CRACD: variants seen among roughly 807,000 people sequenced by gnomAD.
CRACD encodes the protein capping protein inhibiting regulator of actin dynamics, also known as capping protein-inhibiting regulator of actin dynamics.
In CRACD, 56 loss-of-function variants were observed where a neutral mutation model predicts 106.8. The observed-to-expected ratio is 0.52, with a 90% confidence interval of 0.42 to 0.66. The LOEUF is 0.66. CRACD is among the 30% of genes least tolerant of loss of function. The pLI is 0.00. For synonymous variants in CRACD, 754 were observed against 670.8 expected, an observed-to-expected ratio of 1.12 and a Z score of -1.92; for missense variants, 1,730 against 1,623.2, an observed-to-expected ratio of 1.07 and a Z score of -1.13.
intron 1 of CRACD, among the ~76,000 whole-genome samples, chr4:56,051,677 A>G (rs1034677476): frequency 6.6e-6 from 1 of 152,132 alleles, no homozygotes; most frequent in Admixed American, 6.6e-5. Flanking sequence ...TCCAAGATAC[A>G]CTGTACCCCC....
At chr4:56,292,433 C>A (rs534144669) in intron 3 of CRACD, among the ~76,000 whole-genome samples, 9 of 152,134 alleles carry the variant, frequency 5.9e-5, no homozygotes, top group African/African-American at 9.7e-5. Flanking sequence ...TTAGCTCAGT[C>A]TTTGATTGGA....
At chr4:56,153,765 A>G (rs2109894116) in intron 1 of CRACD, among the ~76,000 whole-genome samples, 1 of 152,288 alleles carries the variant, frequency 6.6e-6, no homozygotes, top group East Asian at 1.9e-4. Flanking sequence ...AGCAAGGGAA[A>G]CATAACTTCT....
Position 56,330,606 on chromosome 4 carries a change from G to A in CRACD, c.*2802G>A, listed in dbSNP as rs964153641. Among the ~76,000 whole-genome samples the A allele has an allele frequency of 9.2e-5, 14 of 152,038 alleles. No homozygotes were observed. Among genetic ancestry groups the A allele is most frequent in the Non-Finnish European group, 1.6e-4 (11 of 68,030 alleles). On this transcript the variant is annotated 3_prime_UTR_variant, in exon 11 of 11. Transcript: ENST00000682029. ...AGATCTTTCAATAAAAAATACCCACGAGATCTTCGGCACTGATGGAATTTG... is the reference window on the plus strand; with the variant it reads ...AGATCTTTCAATAAAAAATACCCACAAGATCTTCGGCACTGATGGAATTTG...
chr4:56,171,988 C>T (rs1736386877), intron 1 of CRACD, among the ~76,000 whole-genome samples: 1 of 138,058 alleles, frequency 7.2e-6, no homozygotes, highest in Admixed American at 8.0e-5. Flanking sequence ...TGTACTCCTG[C>T]TGGTGCGTGG....
chr4:56,079,589 G>T (rs914552062), intron 1 of CRACD, among the ~76,000 whole-genome samples: 2 of 151,820 alleles, frequency 1.3e-5, no homozygotes, highest in Non-Finnish European at 2.9e-5. Context: ...GGGACTACAG[G>T]TATGTGCCAT....
chr4:56,266,247 C>CT (rs1025631026), intron 2 of CRACD, among the ~76,000 whole-genome samples: 4 of 152,078 alleles, frequency 2.6e-5, no homozygotes, highest in Non-Finnish European at 5.9e-5. Flanking sequence ...CAAACACTGC[C>CT]TTTTTTCCTA....
chr4:56,132,563 T>C (rs1407079596), intron 1 of CRACD, among the ~76,000 whole-genome samples: 1 of 152,128 alleles, frequency 6.6e-6, no homozygotes, highest in Non-Finnish European at 1.5e-5. Flanking sequence ...GGTCTCAAAT[T>C]CTTGGGCTCA....
At chr4:56,298,067 C>A in intron 3 of CRACD, 147 bp from the exon 4 acceptor site, 1 of 827,620 alleles carries the variant, frequency 1.2e-6, no homozygotes, top group Non-Finnish European at 1.9e-6. Context: ...TTGGCTGACC[C>A]CCAGCAGACA....
At chr4:56,306,419 G>C (rs922298827) in intron 4 of CRACD, among the ~76,000 whole-genome samples, 1 of 151,988 alleles carries the variant, frequency 6.6e-6, no homozygotes, top group Non-Finnish European at 1.5e-5. Context: ...ACCTGAGCAT[G>C]GGAGAATCAT....
chr4:56,207,352 A>C (rs1489190342), intron 2 of CRACD, among the ~76,000 whole-genome samples: 1 of 152,208 alleles, frequency 6.6e-6, no homozygotes, highest in Non-Finnish European at 1.5e-5. Context: ...ATTTCTAATC[A>C]TTGCTTCATT....
intron 1 of CRACD, among the ~76,000 whole-genome samples, chr4:56,064,350 A>G (rs1017717442): frequency 6.6e-6 from 1 of 152,218 alleles, no homozygotes; most frequent in African/African-American, 2.4e-5. Flanking sequence ...TTAGTTATCC[A>G]TGAATGTGAA....
intron 4 of CRACD, chr4:56,301,278 A>C (rs992665489): frequency 4.2e-5 from 53 of 1,265,664 alleles, no homozygotes; most frequent in Non-Finnish European, 5.5e-5. Context: ...TAACTTTATT[A>C]ACTTGCATGA....
intron 2 of CRACD, among the ~76,000 whole-genome samples, chr4:56,211,657 A>C (rs146830857): frequency 3.0e-4 from 45 of 152,308 alleles, no homozygotes; most frequent in African/African-American, 9.9e-4. Flanking sequence ...AGTGCAGCTG[A>C]GTCCGGGGCT....
rs1031758546 is a variant in CRACD, at chr4:56,329,273, T to C, written c.*1469T>C. On this transcript the variant is annotated 3_prime_UTR_variant, in exon 11 of 11. Coordinates refer to ENST00000682029, the MANE Select transcript of CRACD (RefSeq NM_001393381.1). ...TTTCTTAGATTCTTACTCCGAAATA[T>C]AGGTACACATCCTTTGCTCTGTGCA... Among the ~76,000 whole-genome samples the C allele has an allele frequency of 6.6e-6, 1 of 152,240 alleles. No individual in the cohort carries two copies. Among genetic ancestry groups the C allele is most frequent in the African/African-American group, 2.4e-5 (1 of 41,464 alleles).
intron 1 of CRACD, among the ~76,000 whole-genome samples, chr4:56,165,335 C>T (rs1430815010): frequency 6.6e-6 from 1 of 152,194 alleles, no homozygotes; most frequent in Non-Finnish European, 1.5e-5. Flanking sequence ...CTCACATCTA[C>T]AGGATGGCTA....
At chr4:56,061,335 A>T (rs540111980) in intron 1 of CRACD, among the ~76,000 whole-genome samples, 1 of 151,840 alleles carries the variant, frequency 6.6e-6, no homozygotes, top group Non-Finnish European at 1.5e-5. Flanking sequence ...CATGCCCACC[A>T]GTTTTTGTGG....
intron 1 of CRACD, among the ~76,000 whole-genome samples, chr4:56,053,942 T>C (rs865890707): frequency 1.2e-4 from 19 of 152,324 alleles, no homozygotes; most frequent in African/African-American, 4.3e-4. Context: ...ATTTCATCCT[T>C]AGGCTGGCCC....
At chr4:56,116,287 G>A (rs569351041) in intron 1 of CRACD, among the ~76,000 whole-genome samples, 2 of 152,246 alleles carry the variant, frequency 1.3e-5, no homozygotes, top group East Asian at 3.9e-4. Context: ...AAAAATAAAT[G>A]GAAGAATTTT....
intron 1 of CRACD, among the ~76,000 whole-genome samples, chr4:56,151,438 A>G (rs1406736342): frequency 2.0e-5 from 3 of 152,098 alleles, no homozygotes. Flanking sequence ...AAAGTTGCAA[A>G]TACAATACAA....
Sources: allele counts gnomAD v4.1 joint callset (sites outside exome capture counted in the v4.1 genomes callset), GRCh38; gene constraint gnomAD v4.1.1; transcripts MANE v1.5; gene names NCBI Gene and HGNC (gene_info 2026-07-23, HGNC 2026-07-21).